The following KLB variants were observed in gnomAD, a reference collection of about 807,000 sequenced individuals.
KLB encodes klotho beta, also known as beta-klotho.
A neutral mutation model predicts 88.4 loss-of-function variants in KLB; 44 were observed. The observed-to-expected ratio is 0.50, with a 90% confidence interval of 0.39 to 0.64. KLB has a LOEUF of 0.64. Ranked by LOEUF, KLB falls within the 30% of genes least tolerant of loss-of-function variation. The pLI is 0.00. For synonymous variants in KLB, 548 were observed against 513.4 expected (o/e 1.07, Z -0.91); for missense variants, 1,137 against 1,304.8 (o/e 0.87, Z 1.98).
rs369717253 is a variant in KLB, at chr4:39,432,138, T to C, written c.826-2072T>C. Among the ~76,000 whole-genome samples the C allele has an allele frequency of 2.6e-5, 4 of 152,056 alleles. No homozygotes were observed. The East Asian group carries it at 7.7e-4, about 29-fold the overall frequency. Reference sequence around the variant, plus strand: ...CCCACCTCTACTAAAAATACAAAAATTAACTGGGCATGGTGGTGCTCACCT... The same window carrying C: ...CCCACCTCTACTAAAAATACAAAAACTAACTGGGCATGGTGGTGCTCACCT... On this transcript the variant is annotated intron_variant, in intron 1 of 4. Transcript: ENST00000257408.
intron 1 of KLB, among the ~76,000 whole-genome samples, chr4:39,418,944 T>TA (rs35661811): frequency 0.087 from 10,179 of 116,798 alleles, 508 homozygotes; most frequent in Non-Finnish European, 0.13. Flanking sequence ...ATGCCATCTC[T>TA]AAAAAAAAAA....
intron 1 of KLB, among the ~76,000 whole-genome samples, chr4:39,419,657 T>C (rs1361852022): frequency 6.6e-6 from 1 of 150,510 alleles, no homozygotes; most frequent in Non-Finnish European, 1.5e-5. Context: ...GTGCCTGTAA[T>C]CCCAGCTACT....
intron 1 of KLB, among the ~76,000 whole-genome samples, chr4:39,423,380 T>C (rs1404422621): frequency 6.6e-6 from 1 of 151,868 alleles, no homozygotes; most frequent in Non-Finnish European, 1.5e-5. Context: ...AACATGCAAT[T>C]GTGGAATGTA....
At position 39,434,257 on chromosome 4, in the gene KLB, T is replaced by A. The variant is rs753210666; in HGVS notation, c.873T>A (p.His291Gln). The A allele has an allele frequency of 4.3e-6, 7 of 1,614,012 alleles. No homozygotes were observed. In the South Asian group the frequency reaches 6.6e-5, roughly 15 times the overall value. Residue 291 changes from histidine to glutamine, a missense_variant, in exon 2 of 5, where the codon CAT (histidine) becomes CAA (glutamine). By Grantham distance (24) the His-to-Gln change is conservative. Around this residue, in one of 4 missense-constraint regions of KLB, gnomAD observed 597 missense variants for 765.2 expected, o/e 0.78. Transcript: ENST00000257408. ...ACTACAACACACATTTCCGCCCACA[T>A]CAGAAGGGTTGGTTATCGATCACGT... ...WHNYNTHFRP[H>Q]QKGWLSITLG... is the part of the protein sequence containing the mutation.
intron 3 of KLB, among the ~76,000 whole-genome samples, chr4:39,440,168 C>CA (rs1743569966): frequency 6.6e-6 from 1 of 150,404 alleles, no homozygotes; most frequent in South Asian, 2.1e-4. Context: ...TTTTTTGAGA[C>CA]AGAGTCTTAC....
intron 1 of KLB, 104 bp downstream of exon 1, chr4:39,407,878 T>C (rs911205137): frequency 9.2e-6 from 6 of 654,848 alleles, no homozygotes; most frequent in Admixed American, 6.4e-5. Context: ...AGGCAACTGA[T>C]TTTAAGCTAA....
In KLB at chr4:39,406,957, C is replaced by G; in HGVS notation, c.8C>G (p.Pro3Arg). Residue 3 changes from proline to arginine, a missense_variant, in exon 1 of 5, where the codon CCA (proline) becomes CGA (arginine). Pro to Arg is a moderately radical substitution (Grantham distance 103, BLOSUM62 -2). Around this residue, in one of 4 missense-constraint regions of KLB, gnomAD observed 111 missense variants for 118.3 expected, o/e 0.94. Coordinates refer to ENST00000257408, the MANE Select transcript of KLB (RefSeq NM_175737.4). ...TCCAGCAGTTGGTGGCAAATGAAGC[C>G]AGGCTGTGCGGCAGGATCTCCAGGG... Reference protein sequence around the residue: MKPGCAAGSPGNE... With the variant: MKRGCAAGSPGNE... 2 of 1,606,380 alleles carry G rather than the reference C, an allele frequency of 1.2e-6. No individual in the cohort carries two copies. The highest frequency in any genetic ancestry group is 1.7e-6 in the Non-Finnish European group (2 of 1,174,618).
chr4:39,437,624 G>A, intron 2 of KLB, 103 bp from the exon 3 acceptor site: 4 of 1,328,466 alleles, frequency 3.0e-6, no homozygotes, highest in East Asian at 2.3e-5. Context: ...TAGGGCAAAG[G>A]TTCGTTTTAC....
rs1334910501 is a variant in KLB, at chr4:39,437,871, C to T, written c.1481C>T (p.Ser494Phe). 11 of 1,614,072 alleles carry T rather than the reference C, an allele frequency of 6.8e-6. No homozygotes were observed. Among genetic ancestry groups the T allele is most frequent in the African/African-American group, 2.7e-5 (2 of 74,920 alleles). ...NSKQKERKPK[S>F]SAHYYKQIIR... ...AAACAGAAAGAGCGGAAACCTAAGT[C>T]TTCAGCACACTACTACAAACAGATC... Residue 494 changes from serine (S) to phenylalanine (F), a missense_variant, in exon 3 of 5, where the codon TCT becomes TTT. By Grantham distance (155) the Ser-to-Phe change is radical. This residue lies in a region of KLB where 597 missense variants were observed against 765.2 expected (regional missense o/e 0.78). Transcript: ENST00000257408.
rs140268010 is a variant in KLB at position 39,422,422 on chromosome 4, C to T, written c.826-11788C>T. ...GCACATAGGGCGATATAGCCTGGGCCTGATTCACCTTGTGCAAGTTACCTA... is the reference window on the plus strand; with the variant it reads ...GCACATAGGGCGATATAGCCTGGGCTTGATTCACCTTGTGCAAGTTACCTA... On this transcript the variant is annotated intron_variant, in intron 1 of 4. Coordinates refer to ENST00000257408, the MANE Select transcript of KLB (RefSeq NM_175737.4). Among the ~76,000 whole-genome samples the T allele has an allele frequency of 3.4e-3, 512 of 152,234 alleles. 3 individuals carry two copies. The highest frequency in any genetic ancestry group is 0.012 in the African/African-American group (499 of 41,532).
chr4:39,434,508 G>A lies in KLB; in HGVS notation c.1124G>A (p.Gly375Glu). ...GCTGATTTCTTTGCCTTTTCTTTTG[G>A]ACCCAACAACTTCAAGCCCCTAAAC... Reference protein sequence around the residue: ...GTADFFAFSFGPNNFKPLNTM... With the variant: ...GTADFFAFSFEPNNFKPLNTM... Residue 375 changes from glycine (G) to glutamate (E), a missense_variant, in exon 2 of 5, where the codon GGA becomes GAA. Physicochemically the swap from Gly to Glu is moderately conservative, Grantham distance 98 (BLOSUM62 -2). This residue lies in a region of KLB where 597 missense variants were observed against 765.2 expected (regional missense o/e 0.78). Transcript: ENST00000257408. 5 of 1,614,088 alleles carry A rather than the reference G, an allele frequency of 3.1e-6. No homozygotes were observed. The highest frequency in any genetic ancestry group is 4.2e-6 in the Non-Finnish European group (5 of 1,180,014).
Position 39,448,376 on chromosome 4 carries a change from T to C in KLB, c.2825T>C (p.Phe942Ser), listed in dbSNP as rs748861023. 19 of 1,613,144 alleles carry C rather than the reference T, an allele frequency of 1.2e-5. No homozygotes were observed. Among genetic ancestry groups the C allele is most frequent in the Non-Finnish European group, 1.6e-5 (19 of 1,179,194 alleles). Residue 942 changes from phenylalanine (F) to serine (S), a missense_variant, in exon 5 of 5, where the codon TTT becomes TCT. Physicochemically the swap from Phe to Ser is radical, Grantham distance 155 (BLOSUM62 -2). Transcript: ENST00000257408. The part of the protein sequence containing the change: ...KLAEEKSKPR[F>S]GFFTSDFKAK... ...GCTGAAGAGAAATCTAAACCCAGATTTGGATTCTTCACATCTGATTTTAAA... is the reference window on the plus strand; with the variant it reads ...GCTGAAGAGAAATCTAAACCCAGATCTGGATTCTTCACATCTGATTTTAAA...
chr4:39,412,446 A>G (rs891623432), intron 1 of KLB, among the ~76,000 whole-genome samples: 3 of 152,038 alleles, frequency 2.0e-5, no homozygotes, highest in African/African-American at 7.2e-5. Context: ...GACCTTTGAG[A>G]TACAGTTCCC....
chr4:39,437,847 A>G lies in KLB; in HGVS notation c.1457A>G (p.Lys486Arg). The change falls in exon 3 of 5, where the codon AAA (lysine) becomes AGA (arginine). Residue 486 changes from lysine to arginine, a missense_variant. Transcript: ENST00000257408. ...TTATTTTATGTGGATTTTAACAGTA[A>G]ACAGAAAGAGCGGAAACCTAAGTCT... ...RGLFYVDFNS[K>R]QKERKPKSSA... 3 of 1,614,204 alleles carry G rather than the reference A, an allele frequency of 1.9e-6. No homozygotes were observed. Among genetic ancestry groups the G allele is most frequent in the Non-Finnish European group, 2.5e-6 (3 of 1,180,046 alleles).
At chr4:39,435,980 T>C (rs1191930346) in intron 2 of KLB, among the ~76,000 whole-genome samples, 3 of 152,160 alleles carry the variant, frequency 2.0e-5, no homozygotes, top group Non-Finnish European at 2.9e-5. Flanking sequence ...GACGGCATGA[T>C]GAAAAGGTCT....
chr4:39,409,838 C>T (rs978191102), intron 1 of KLB, among the ~76,000 whole-genome samples: 1 of 151,880 alleles, frequency 6.6e-6, no homozygotes, highest in Non-Finnish European at 1.5e-5. Flanking sequence ...GCAGGAGAAT[C>T]CCTTGAACCC....
intron 1 of KLB, among the ~76,000 whole-genome samples, chr4:39,427,209 G>A (rs903365998): frequency 3.9e-5 from 6 of 152,238 alleles, no homozygotes; most frequent in African/African-American, 9.6e-5. Flanking sequence ...GAGGCCGGAC[G>A]CGGTGGTTCA....
At chr4:39,410,470 G>A (rs1742815166) in intron 1 of KLB, among the ~76,000 whole-genome samples, 1 of 152,124 alleles carries the variant, frequency 6.6e-6, no homozygotes, top group Non-Finnish European at 1.5e-5. Context: ...TAAATAAATG[G>A]TGTGAGGGGT....
At chr4:39,442,225 G>C (rs751895702) in intron 3 of KLB, among the ~76,000 whole-genome samples, 3 of 150,568 alleles carry the variant, frequency 2.0e-5, no homozygotes, top group Non-Finnish European at 4.4e-5. Context: ...CTGGGCAACA[G>C]AGCAAGACCC....
Sources: allele counts gnomAD v4.1 joint callset (sites outside exome capture counted in the v4.1 genomes callset), GRCh38; gene constraint gnomAD v4.1.1; regional missense constraint gnomAD v4.1.1; transcripts MANE v1.5; gene names NCBI Gene and HGNC (gene_info 2026-07-23, HGNC 2026-07-21).